Variants in SHROOM3 observed in about 807,000 individuals in gnomAD.
The protein encoded by SHROOM3 is protein Shroom3.
A neutral mutation model predicts 138.6 loss-of-function variants in SHROOM3; 47 were observed. The observed-to-expected ratio is 0.34, with a 90% confidence interval of 0.27 to 0.43. SHROOM3 has a LOEUF of 0.43. SHROOM3 is among the 20% of genes least tolerant of loss of function. The pLI, the probability that SHROOM3 is intolerant of heterozygous loss-of-function variation, is 1.00. For synonymous variants in SHROOM3, 1,062 were observed against 1,063.3 expected (o/e 1.00, Z 0.02); for missense variants, 2,491 against 2,596.5 (o/e 0.96, Z 0.88).
intron 2 of SHROOM3, among the ~76,000 whole-genome samples, chr4:76,659,872 G>A (rs556793098): frequency 3.3e-5 from 5 of 152,224 alleles, no homozygotes; most frequent in East Asian, 1.9e-4. Flanking sequence ...GTGAGCCACC[G>A]CACCCAGCCT....
intron 2 of SHROOM3, among the ~76,000 whole-genome samples, chr4:76,590,809 G>A (rs1483704670): frequency 6.6e-6 from 1 of 152,076 alleles, no homozygotes; most frequent in Non-Finnish European, 1.5e-5. Flanking sequence ...TAGGAAAAAA[G>A]TGGTCAGTTT....
At chr4:76,704,019 A>G (rs1215465778) in intron 2 of SHROOM3, among the ~76,000 whole-genome samples, 2 of 152,234 alleles carry the variant, frequency 1.3e-5, no homozygotes, top group East Asian at 3.9e-4. Context: ...AATGAGATGG[A>G]TCAAAAGTTA....
intron 2 of SHROOM3, among the ~76,000 whole-genome samples, chr4:76,705,086 C>T (rs891995333): frequency 6.6e-6 from 1 of 152,154 alleles, no homozygotes; most frequent in Admixed American, 6.5e-5. Context: ...GTACAGTGTT[C>T]AAGAGAGCCC....
At chr4:76,487,629 G>A (rs557953508) in intron 1 of SHROOM3, among the ~76,000 whole-genome samples, 1 of 150,232 alleles carries the variant, frequency 6.7e-6, no homozygotes, top group South Asian at 2.1e-4. Flanking sequence ...TTGTGAGCCG[G>A]TAGGTGAACC....
chr4:76,515,278 C>T (rs1346110011), intron 1 of SHROOM3, among the ~76,000 whole-genome samples: 2 of 148,628 alleles, frequency 1.3e-5, no homozygotes, highest in Non-Finnish European at 3.0e-5. Flanking sequence ...CCTAACTACT[C>T]AGGAGCCTGA....
chr4:76,703,174 T>C (rs536158059), intron 2 of SHROOM3, among the ~76,000 whole-genome samples: 1 of 152,174 alleles, frequency 6.6e-6, no homozygotes, highest in Admixed American at 6.5e-5. Context: ...TAAAACAAGC[T>C]GTAGACCAGG....
chr4:76,762,122 G>A (rs1179424077), intron 9 of SHROOM3, among the ~76,000 whole-genome samples: 1 of 152,126 alleles, frequency 6.6e-6, no homozygotes, highest in Non-Finnish European at 1.5e-5. Flanking sequence ...AAAAAATCTG[G>A]AAGTTAAGCA....
chr4:76,590,609 G>A (rs1258779988), intron 2 of SHROOM3, among the ~76,000 whole-genome samples: 3 of 151,252 alleles, frequency 2.0e-5, no homozygotes, highest in African/African-American at 7.3e-5. Context: ...TTTCTACACA[G>A]TGATGAGTTT....
At chr4:76,636,979 T>C (rs1031007968) in intron 2 of SHROOM3, among the ~76,000 whole-genome samples, 25 of 152,242 alleles carry the variant, frequency 1.6e-4, no homozygotes, top group Non-Finnish European at 3.7e-4. Context: ...GGTGATGTTT[T>C]TGTGGCCAGA....
At chr4:76,663,977 C>G (rs1363652541) in intron 2 of SHROOM3, among the ~76,000 whole-genome samples, 1 of 152,196 alleles carries the variant, frequency 6.6e-6, no homozygotes. Context: ...GATACCTTGT[C>G]TGACTATTCA....
At chr4:76,444,342 A>T (rs901966820) in intron 1 of SHROOM3, among the ~76,000 whole-genome samples, 11 of 151,202 alleles carry the variant, frequency 7.3e-5, no homozygotes, top group African/African-American at 2.7e-4. Context: ...GCATAGAAAA[A>T]AGCTTACATC....
chr4:76,730,769 G>A (rs374597937), intron 3 of SHROOM3, 35 bp from the exon 4 acceptor site: 1 of 1,613,264 alleles, frequency 6.2e-7, no homozygotes, highest in South Asian at 1.1e-5. Flanking sequence ...TGAGACTTTG[G>A]CTAATGTTGG....
At chr4:76,767,866 G>A (rs1578032900) in intron 9 of SHROOM3, among the ~76,000 whole-genome samples, 1 of 152,096 alleles carries the variant, frequency 6.6e-6, no homozygotes, top group Non-Finnish European at 1.5e-5. Flanking sequence ...AAACCACCTT[G>A]TTTCTTTCCA....
At chr4:76,490,144 T>A (rs1731819815) in intron 1 of SHROOM3, among the ~76,000 whole-genome samples, 1 of 152,172 alleles carries the variant, frequency 6.6e-6, no homozygotes, top group South Asian at 2.1e-4. Flanking sequence ...AAGGTCACAC[T>A]CCTGTGCAAA....
intron 1 of SHROOM3, among the ~76,000 whole-genome samples, chr4:76,524,792 C>G (rs1732655667): frequency 6.6e-6 from 1 of 152,160 alleles, no homozygotes; most frequent in African/African-American, 2.4e-5. Context: ...GTCCGTCATG[C>G]CATTCCATTT....
At chr4:76,722,362 C>G (rs1407926451) in intron 3 of SHROOM3, among the ~76,000 whole-genome samples, 1 of 152,130 alleles carries the variant, frequency 6.6e-6, no homozygotes, top group African/African-American at 2.4e-5. Flanking sequence ...TTTGCAGGAA[C>G]ATGGATGGAG....
In SHROOM3 at chr4:76,486,095, G is replaced by A. The variant is rs547844449; in HGVS notation, c.168+49875G>A. On this transcript the variant is annotated intron_variant, in intron 1 of 10. Coordinates refer to ENST00000296043, the MANE Select transcript of SHROOM3 (RefSeq NM_020859.4). ...GAGGTACAGAAAAAAATAAGTGCGT[G>A]CTGCCATTTGCTTAAAGATCAGCAG... Among the ~76,000 whole-genome samples, 255 of 152,272 alleles carry A rather than the reference G, an allele frequency of 1.7e-3. 1 individual carries two copies. The highest frequency in any genetic ancestry group is 5.9e-3 in the African/African-American group (246 of 41,548).
At position 76,740,561 on chromosome 4, in the gene SHROOM3, G is replaced by C. The variant is rs1393372153; in HGVS notation, c.2388G>C (p.Gln796His). Residue 796 changes from glutamine (Q) to histidine (H), a missense_variant, in exon 5 of 11, where the codon CAG becomes CAC. Transcript: ENST00000296043. The surrounding 1 kb of genome is among the most constrained non-coding windows in gnomAD (Gnocchi z 4.0). Reference sequence around the variant, plus strand: ...TCGAGCAGCGAGAGCAAGGGAGCCAGAGACCGAGTGTGGGCGGCTCTGGTT... The same window carrying C: ...TCGAGCAGCGAGAGCAAGGGAGCCACAGACCGAGTGTGGGCGGCTCTGGTT... ...SKFEQREQGS[Q>H]RPSVGGSGFG... The C allele has an allele frequency of 6.2e-7, 1 of 1,614,178 alleles. No individual in the cohort carries two copies. The highest frequency in any genetic ancestry group is 8.5e-7 in the Non-Finnish European group (1 of 1,180,030).
At chr4:76,593,478 C>A (rs1734318067) in intron 2 of SHROOM3, among the ~76,000 whole-genome samples, 4 of 152,206 alleles carry the variant, frequency 2.6e-5, no homozygotes, top group Admixed American at 2.6e-4. Flanking sequence ...AAACCACCCA[C>A]GATGACTGGC....
Sources: gnomAD v4.1 joint callset for allele counts (sites outside exome capture counted in the v4.1 genomes callset) on GRCh38, gnomAD v4.1.1 for gene constraint, Gnocchi (gnomAD v3.1) non-coding constraint, MANE v1.5 for transcripts, NCBI Gene and HGNC (gene_info 2026-07-23, HGNC 2026-07-21) for gene names.